The following PLK4 variants were observed in gnomAD, a reference collection of about 807,000 sequenced individuals.
PLK4 encodes serine/threonine-protein kinase PLK4.
A neutral mutation model predicts 103.0 loss-of-function variants in PLK4; 51 were observed. The observed-to-expected ratio is 0.50, with a 90% CI of 0.40 to 0.63. PLK4 has a LOEUF of 0.63. Ranked by LOEUF, PLK4 falls within the 20% of genes least tolerant of loss-of-function variation. PLK4 has a pLI of 0.00. For missense variants in PLK4, 1,054 were observed against 1,151.0 expected, an observed-to-expected ratio of 0.92 and a Z score of 1.22; for synonymous variants, 389 against 376.8, an observed-to-expected ratio of 1.03 and a Z score of -0.38.
intron 5 of PLK4, among the ~76,000 whole-genome samples, chr4:127,887,088 A>G (rs1303757317): frequency 6.6e-6 from 1 of 152,162 alleles, no homozygotes; most frequent in African/African-American, 2.4e-5. Flanking sequence ...ACTGCTTCCA[A>G]TATGAAAACT....
rs950026610 is a variant in PLK4, at chr4:127,881,775, C to T, written c.31-56C>T. On this transcript the variant is annotated intron_variant, in intron 1 of 15. Transcript: ENST00000270861. ...TTTATCTTCTTTTTCCAGCCCCTTC[C>T]CATCTTCCTTTCTACTGTGAGTCAT... is the stretch of plus-strand genomic sequence containing the variant. 5.8e-6 allele frequency: 6 copies of T among 1,037,374 alleles called. No individual in the cohort carries two copies. In the African/African-American group the frequency reaches 7.9e-5, roughly 14 times the overall value. 64.3% of individuals were successfully genotyped at this position (1,037,374 alleles called of 1,614,324 possible).
In PLK4 at chr4:127,880,915, C is replaced by T. The variant is rs1377390564; in HGVS notation, c.-220C>T. The T allele has an allele frequency of 2.9e-5, 17 of 584,744 alleles. No homozygotes were observed. The Admixed American group carries it at 4.2e-4, about 15-fold the overall frequency. The allele number at this position is 584,744 out of a possible 1,614,324, so 36.2% of individuals were successfully genotyped here. ...GTCACCACCAGCCTAGCTCGGACGG[C>T]AAGCGGCGGGAGATTTTCAAAATGG... On this transcript the variant is annotated 5_prime_UTR_variant, in exon 1 of 16. Coordinates refer to ENST00000270861, the MANE Select transcript of PLK4 (RefSeq NM_014264.5).
Position 127,889,860 on chromosome 4 carries a change from T to C in PLK4, c.1460-6T>C. Reference sequence around the variant, plus strand: ...ACTAAATTGCTTCATTCTATGTATATTGTAGCTCATTTAAGAAAAACTACT... The same window carrying C: ...ACTAAATTGCTTCATTCTATGTATACTGTAGCTCATTTAAGAAAAACTACT... On this transcript the variant is annotated splice_region_variant and splice_polypyrimidine_tract_variant and intron_variant, in intron 6 of 15. Coordinates refer to ENST00000270861, the MANE Select transcript of PLK4 (RefSeq NM_014264.5). The C allele has an allele frequency of 6.3e-7, 1 of 1,575,450 alleles. No individual in the cohort carries two copies. Among genetic ancestry groups the C allele is most frequent in the South Asian group, 1.2e-5 (1 of 85,288 alleles).
At position 127,898,646 on chromosome 4, in the gene PLK4, T is replaced by C. The variant is rs1192063189; in HGVS notation, c.*105T>C. The C allele has an allele frequency of 1.6e-6, 1 of 625,456 alleles. No homozygotes were observed. Among genetic ancestry groups the C allele is most frequent in the African/African-American group, 1.9e-5 (1 of 53,526 alleles). The allele number at this position is 625,456 out of a possible 1,614,324, so 38.7% of individuals were successfully genotyped here. A position where few individuals can be genotyped will look rare whatever the true frequency, so the allele number is the denominator to read the frequency against. ...ACATAAAGTCTTCAGAAAGCCTTTCTATGAAAGAATTTTAACCTATAATGT... is the reference window on the plus strand; with the variant it reads ...ACATAAAGTCTTCAGAAAGCCTTTCCATGAAAGAATTTTAACCTATAATGT... On this transcript the variant is annotated 3_prime_UTR_variant, in exon 16 of 16. Coordinates refer to ENST00000270861, the MANE Select transcript of PLK4 (RefSeq NM_014264.5).
rs766612803 is a variant in PLK4, at chr4:127,886,178, TCAA to T, written c.812_814del (p.Thr271del). On this transcript the variant is annotated inframe_deletion, in exon 5 of 16. Transcript: ENST00000270861. ...CCATCCTTTTATGTCCCGAAATTCT[TCAA>T]CAAAAAGTAAAGATTTAGGAACTGT... 7 of 1,613,978 alleles carry T rather than the reference TCAA, an allele frequency of 4.3e-6. No individual in the cohort carries two copies. The Admixed American group carries it at 1.2e-4, about 27-fold the overall frequency.
intron 4 of PLK4, 152 bp from the exon 5 acceptor site, chr4:127,885,556 A>G: frequency 1.6e-6 from 1 of 624,254 alleles, no homozygotes; most frequent in Non-Finnish European, 2.8e-6. Flanking sequence ...ATTGCTGGTA[A>G]TTGAAGTGGC....
At position 127,881,953 on chromosome 4, in the gene PLK4, C is replaced by A. The variant is rs181451128; in HGVS notation, c.126+27C>A. The A allele has an allele frequency of 1.2e-3, 1,520 of 1,249,736 alleles. 9 individuals are homozygous for A. The highest frequency in any genetic ancestry group is 1.6e-3 in the South Asian group (134 of 83,722). The allele number at this position is 1,249,736 out of a possible 1,614,324, so 77.4% of individuals were successfully genotyped here. ...TAAGAATAAACTAATCAACTTCTCT[C>A]CTGTACTTTGCAAGTAACTAGAGAG... On this transcript the variant is annotated intron_variant, in intron 2 of 15. Coordinates refer to ENST00000270861, the MANE Select transcript of PLK4 (RefSeq NM_014264.5).
Position 127,891,163 on chromosome 4 carries a change from A to G in PLK4, c.1902A>G (p.Lys634=). The G allele has an allele frequency of 6.3e-7, 1 of 1,588,776 alleles. No individual in the cohort carries two copies. Among genetic ancestry groups the G allele is most frequent in the Non-Finnish European group, 8.6e-7 (1 of 1,160,032 alleles). Residue 634 remains lysine (K), a synonymous_variant, in exon 8 of 16, where the codon AAA becomes AAG. Transcript: ENST00000270861. ...AGTATGCATCTCAAGAATATGTGAA[A>G]GAAGTTCTTCAGATATCTAGTGATG... ...VKEYASQEYV[K]EVLQISSDGN...
In PLK4 at chr4:127,881,903, G is replaced by C. The variant is rs1450279513; in HGVS notation, c.103G>C (p.Gly35Arg). The C allele has an allele frequency of 5.0e-6, 8 of 1,600,164 alleles. No individual in the cohort carries two copies. Among genetic ancestry groups the C allele is most frequent in the Non-Finnish European group, 6.9e-6 (8 of 1,167,278 alleles). ...GVYRAESIHT[G>R]LEVAIKMIDK... ...CTACAGAGCTGAGTCCATTCACACT[G>C]GTTTGGAAGTTGCAATCAAAATGGT... Residue 35 changes from glycine to arginine, a missense_variant, in exon 2 of 16, where the codon GGT becomes CGT. Physicochemically the swap from Gly to Arg is moderately radical, Grantham distance 125 (BLOSUM62 -2). Coordinates refer to ENST00000270861, the MANE Select transcript of PLK4 (RefSeq NM_014264.5).
chr4:127,881,140 G>C lies in PLK4; in HGVS notation c.6G>C (p.Ala2=). The change falls in exon 1 of 16, where the codon GCG becomes GCC. Residue 2 remains alanine, a synonymous_variant. Coordinates refer to ENST00000270861, the MANE Select transcript of PLK4 (RefSeq NM_014264.5). ...CCAGGCCAGAGCCTGGAAATATGGC[G>C]ACCTGCATCGGGGAGAAGATCGAGG... M[A]TCIGEKIEDF... The C allele has an allele frequency of 8.7e-6, 14 of 1,614,016 alleles. No individual in the cohort carries two copies. Among genetic ancestry groups the C allele is most frequent in the Non-Finnish European group, 1.1e-5 (13 of 1,180,018 alleles).
intron 13 of PLK4, among the ~76,000 whole-genome samples, chr4:127,894,327 C>A (rs1018725125): frequency 2.0e-5 from 3 of 151,868 alleles, no homozygotes; most frequent in African/African-American, 7.3e-5. Flanking sequence ...CCTGGGTTCA[C>A]GCCATTCTTC....
intron 5 of PLK4, among the ~76,000 whole-genome samples, 158 bp downstream of exon 5, chr4:127,886,886 G>A (rs1735158561): frequency 6.6e-6 from 1 of 151,654 alleles, no homozygotes; most frequent in Non-Finnish European, 1.5e-5. Flanking sequence ...CTTAACAGGA[G>A]TGTGTGTGTT....
chr4:127,883,641 A>T (rs1002358365), intron 4 of PLK4, 88 bp downstream of exon 4: 1 of 613,042 alleles, frequency 1.6e-6, no homozygotes, highest in Admixed American at 2.9e-5. Flanking sequence ...ATGCTATTTT[A>T]TAATATATAG....
rs1553938890 is a variant in PLK4, at chr4:127,886,178, T to C, written c.808T>C (p.Ser270Pro). 6.2e-7 allele frequency: 1 copy of C among 1,613,978 alleles called. No individual in the cohort carries two copies. Among genetic ancestry groups the C allele is most frequent in the Non-Finnish European group, 8.5e-7 (1 of 1,179,988 alleles). The change falls in exon 5 of 16, where the codon TCA becomes CCA. Residue 270 changes from serine to proline, a missense_variant. By Grantham distance (74) the Ser-to-Pro change is moderately conservative. Coordinates refer to ENST00000270861, the MANE Select transcript of PLK4 (RefSeq NM_014264.5). ...LDHPFMSRNS[S>P]TKSKDLGTVE... is the part of the protein sequence containing the mutation. The stretch of plus-strand genomic sequence containing the variant: ...CCATCCTTTTATGTCCCGAAATTCT[T>C]CAACAAAAAGTAAAGATTTAGGAAC...
intron 6 of PLK4, among the ~76,000 whole-genome samples, chr4:127,887,871 C>CAAAAA (rs34675793): frequency 5.0e-5 from 2 of 40,386 alleles, no homozygotes; most frequent in Non-Finnish European, 9.6e-5. Flanking sequence ...GAGACCCTGT[C>CAAAAA]AAAAAAAAAA....
intron 4 of PLK4, among the ~76,000 whole-genome samples, chr4:127,884,066 T>G (rs1003281384): frequency 6.6e-6 from 1 of 152,224 alleles, no homozygotes; most frequent in Non-Finnish European, 1.5e-5. Flanking sequence ...ATTATAGACA[T>G]ATTTTTAACT....
intron 6 of PLK4, 125 bp from the exon 7 acceptor site, chr4:127,889,741 G>C (rs1180724854): frequency 1.5e-6 from 1 of 675,862 alleles, no homozygotes; most frequent in Non-Finnish European, 2.5e-6. Context: ...AGCTCTTATT[G>C]TTTTGTTTTT....
intron 2 of PLK4, among the ~76,000 whole-genome samples, chr4:127,882,308 A>G (rs1242322594): frequency 1.3e-5 from 2 of 152,232 alleles, no homozygotes; most frequent in Non-Finnish European, 2.9e-5. Flanking sequence ...TAGGAGTAAC[A>G]TAAACATAAG....
intron 4 of PLK4, among the ~76,000 whole-genome samples, chr4:127,884,986 C>G (rs1427688155): frequency 6.6e-6 from 1 of 151,670 alleles, no homozygotes; most frequent in South Asian, 2.1e-4. Context: ...TGGGAGACAT[C>G]GTTGGAACTT....
Sources: allele counts gnomAD v4.1 joint callset (sites outside exome capture counted in the v4.1 genomes callset), GRCh38; gene constraint gnomAD v4.1.1; transcripts MANE v1.5; gene names NCBI Gene and HGNC (gene_info 2026-07-23, HGNC 2026-07-21).